HMGXB3: variants seen among roughly 807,000 people sequenced by gnomAD.
HMGXB3 encodes the protein HMG-box containing 3.
In HMGXB3, 45 loss-of-function variants were observed where a neutral mutation model predicts 121.5. The observed-to-expected ratio is 0.37, with a 90% CI of 0.29 to 0.47. The LOEUF (loss-of-function observed/expected upper bound fraction) is 0.47, where lower values mean the gene tolerates loss of function less well. Ranked by LOEUF, HMGXB3 falls within the 20% of genes least tolerant of loss-of-function variation. HMGXB3 has a pLI of 0.99. For synonymous variants in HMGXB3, 590 were observed against 624.1 expected (o/e 0.95, Z 0.81); for missense variants, 1,376 against 1,602.2 (o/e 0.86, Z 2.41).
intron 6 of HMGXB3, among the ~76,000 whole-genome samples, chr5:150,023,601 C>T (rs1756154348): frequency 6.6e-6 from 1 of 152,198 alleles, no homozygotes; most frequent in South Asian, 2.1e-4. Context: ...AGCTAAGACA[C>T]CAAGGACTTT....
chr5:150,038,976 G>C (rs1189430803), intron 13 of HMGXB3, among the ~76,000 whole-genome samples: 2 of 152,176 alleles, frequency 1.3e-5, no homozygotes, highest in African/African-American at 4.8e-5. Flanking sequence ...TCAGATTGCT[G>C]GGTCATGTGG....
At chr5:150,009,722 A>C (rs1161269960) in intron 3 of HMGXB3, among the ~76,000 whole-genome samples, 1 of 152,206 alleles carries the variant, frequency 6.6e-6, no homozygotes, top group Admixed American at 6.5e-5. Context: ...GGAACTCATA[A>C]ATTGCCAGAT....
intron 18 of HMGXB3, among the ~76,000 whole-genome samples, chr5:150,049,323 G>C (rs1052380538): frequency 6.6e-6 from 1 of 152,184 alleles, no homozygotes; most frequent in Non-Finnish European, 1.5e-5. Flanking sequence ...ATCTGTGGAA[G>C]GGTATGGACA....
chr5:150,037,658 T>C, intron 13 of HMGXB3, 131 bp downstream of exon 13: 1 of 708,512 alleles, frequency 1.4e-6, no homozygotes, highest in Non-Finnish European at 2.0e-6. Flanking sequence ...GGGAGTCTTC[T>C]TCCTAAATGT....
intron 11 of HMGXB3, among the ~76,000 whole-genome samples, chr5:150,033,116 C>T (rs1756419895): frequency 6.6e-6 from 1 of 152,204 alleles, no homozygotes; most frequent in Admixed American, 6.5e-5. Flanking sequence ...TAGTAAAATA[C>T]ATTCCACTTG....
chr5:150,029,181 G>A (rs943746223), intron 9 of HMGXB3, among the ~76,000 whole-genome samples: 1 of 151,904 alleles, frequency 6.6e-6, no homozygotes, highest in African/African-American at 2.4e-5. Flanking sequence ...CAGAAACTTG[G>A]CTCTTACTCC....
rs1203886454 is a variant in HMGXB3, at chr5:150,028,541, G to GTGTGTA, written c.1734+1425_1734+1426insGTGTAT. On this transcript the variant is annotated intron_variant, in intron 9 of 19. Coordinates refer to ENST00000502717, the MANE Select transcript of HMGXB3 (RefSeq NM_014983.3). ...TGTGTGTGTGTGTGTGTGTGTGTGTGTATATATATATATATATATTTTTTT... is the reference window on the plus strand; with the variant it reads ...TGTGTGTGTGTGTGTGTGTGTGTGTGTGTGTATATATATATATATATATATTTTTTT... 1.0e-3 allele frequency among the ~76,000 whole-genome samples: 44 copies of GTGTGTA among 42,082 alleles called. 1 individual carries two copies. Among genetic ancestry groups the GTGTGTA allele is most frequent in the East Asian group, 3.2e-3 (4 of 1,256 alleles). 27.6% of individuals were successfully genotyped at this position (42,082 alleles called of 152,430 possible).
intron 3 of HMGXB3, among the ~76,000 whole-genome samples, chr5:150,008,067 A>T (rs1033777196): frequency 7.5e-5 from 11 of 146,724 alleles, no homozygotes; most frequent in African/African-American, 2.5e-4. Context: ...ACACACACAC[A>T]CACACACACA....
intron 7 of HMGXB3, among the ~76,000 whole-genome samples, chr5:150,026,013 G>C (rs1581255598): frequency 6.6e-6 from 1 of 152,080 alleles, no homozygotes; most frequent in African/African-American, 2.4e-5. Context: ...TGTATTTTTA[G>C]TAGAGACGGA....
intron 13 of HMGXB3, among the ~76,000 whole-genome samples, chr5:150,040,256 TA>T (rs572960537): frequency 2.6e-5 from 4 of 151,576 alleles, no homozygotes; most frequent in African/African-American, 4.8e-5. Context: ...TACTTCTTTT[TA>T]AAAAAAAATG....
At chr5:150,047,829 GA>G in intron 17 of HMGXB3, 72 bp downstream of exon 17, 2 of 1,492,486 alleles carry the variant, frequency 1.3e-6, no homozygotes, top group Non-Finnish European at 9.1e-7. Flanking sequence ...TTAGGTCAGG[GA>G]TATGAATATC....
At chr5:150,035,108 G>C (rs185333184) in intron 11 of HMGXB3, among the ~76,000 whole-genome samples, 1 of 152,132 alleles carries the variant, frequency 6.6e-6, no homozygotes, top group Non-Finnish European at 1.5e-5. Flanking sequence ...ATAGGTATGC[G>C]GAGTTAATAA....
intron 5 of HMGXB3, among the ~76,000 whole-genome samples, chr5:150,012,870 T>G (rs535444584): frequency 6.6e-6 from 1 of 152,234 alleles, no homozygotes; most frequent in Non-Finnish European, 1.5e-5. Context: ...AATGGCATTT[T>G]TAGAAAATTT....
rs370629596 is a variant in HMGXB3 at position 150,035,596 on chromosome 5, A to C, written c.1984-1040A>C. ...GTCTCAGGCATCATGCTGGTTGGGA[A>C]TCAGTAAATAAGCAGAATCCTACCC... On this transcript the variant is annotated intron_variant, in intron 11 of 19. Coordinates refer to ENST00000502717, the MANE Select transcript of HMGXB3 (RefSeq NM_014983.3). 1.4e-4 allele frequency among the ~76,000 whole-genome samples: 21 copies of C among 152,292 alleles called. No individual in the cohort carries two copies. The East Asian group carries it at 1.5e-3, about 11-fold the overall frequency.
At chr5:150,045,371 T>A in intron 15 of HMGXB3, 95 bp from the exon 16 acceptor site, 1 of 1,065,746 alleles carries the variant, frequency 9.4e-7, no homozygotes, top group Non-Finnish European at 1.4e-6. Context: ...TCACCAAGCC[T>A]TGGCTTCCCT....
Position 150,021,072 on chromosome 5 carries a change from T to A in HMGXB3, c.1041+2375T>A, listed in dbSNP as rs939224223. Among the ~76,000 whole-genome samples, 5 of 152,270 alleles carry A rather than the reference T, an allele frequency of 3.3e-5. No individual in the cohort carries two copies. The East Asian group carries it at 9.6e-4, about 29-fold the overall frequency. On this transcript the variant is annotated intron_variant, in intron 6 of 19. Coordinates refer to ENST00000502717, the MANE Select transcript of HMGXB3 (RefSeq NM_014983.3). ...TAGAGCCATGGTTCTCTTACTAAGA[T>A]CAAGCTCATGGCATGAAAACAATTT...
intron 3 of HMGXB3, among the ~76,000 whole-genome samples, chr5:150,006,855 A>AT (rs1343246264): frequency 1.3e-5 from 2 of 152,060 alleles, no homozygotes; most frequent in South Asian, 2.1e-4. Context: ...TGGAGCTGAC[A>AT]TTTTTTTGTG....
At chr5:150,010,017 G>T (rs1275859454) in intron 3 of HMGXB3, 94 bp from the exon 4 acceptor site, 11 of 1,332,470 alleles carry the variant, frequency 8.3e-6, no homozygotes, top group Admixed American at 5.7e-5. Context: ...GAAAAAAAAA[G>T]AACTTACACA....
In HMGXB3 at chr5:150,036,673, C is replaced by G. The variant is rs1405080937; in HGVS notation, c.2021C>G (p.Thr674Arg). 6.5e-7 allele frequency: 1 copy of G among 1,550,234 alleles called. No homozygotes were observed. The highest frequency in any genetic ancestry group is 8.7e-7 in the Non-Finnish European group (1 of 1,146,772). ...SSPLPDVLNA[T>R]EPLSTAQREI... ...CCACTCCCAGATGTACTGAATGCCA[C>G]AGAGCCCCTGAGCACAGCCCAGAGG... The change falls in exon 12 of 20, where the codon ACA becomes AGA. Residue 674 changes from threonine (T) to arginine (R), a missense_variant. Thr to Arg is a moderately conservative substitution (Grantham distance 71). Around this residue, in one of 2 missense-constraint regions of HMGXB3, gnomAD observed 1,116 missense variants for 1,369.0 expected, o/e 0.82. Coordinates refer to ENST00000502717, the MANE Select transcript of HMGXB3 (RefSeq NM_014983.3).
Sources: gnomAD v4.1 joint callset for allele counts (sites outside exome capture counted in the v4.1 genomes callset) on GRCh38, gnomAD v4.1.1 for gene constraint, gnomAD v4.1.1 regional missense constraint, MANE v1.5 for transcripts, NCBI Gene and HGNC (gene_info 2026-07-23, HGNC 2026-07-21) for gene names.